Variants in IMPG2 observed in about 807,000 individuals in gnomAD.
IMPG2 encodes the protein IPM 200.
IMPG2 carries 91 observed loss-of-function variants against 129.2 expected under a neutral mutation model. The ratio of observed to expected loss-of-function variants is 0.70; its 90% CI spans 0.59 to 0.84. The LOEUF (loss-of-function observed/expected upper bound fraction) is 0.84, where lower values mean the gene tolerates loss of function less well. Ranked by LOEUF, IMPG2 falls within the 40% of genes least tolerant of loss-of-function variation. IMPG2 has a pLI of 0.00. For missense variants in IMPG2, 1,430 were observed against 1,461.7 expected, an observed-to-expected ratio of 0.98 and a Z score of 0.35; for synonymous variants, 510 against 517.7, an observed-to-expected ratio of 0.99 and a Z score of 0.20.
intron 14 of IMPG2, 100 bp downstream of exon 14, chr3:101,242,588 C>T (rs1706421041): frequency 1.1e-6 from 1 of 890,276 alleles, no homozygotes; most frequent in Non-Finnish European, 1.9e-6. Context: ...ACTCTTTTTT[C>T]CTGCAAGTAT....
At chr3:101,249,443 A>C (rs1207180351) in intron 11 of IMPG2, among the ~76,000 whole-genome samples, 1 of 152,194 alleles carries the variant, frequency 6.6e-6, no homozygotes, top group Non-Finnish European at 1.5e-5. Flanking sequence ...ACCAAAAATG[A>C]TATCATTCTG....
chr3:101,278,946 A>G (rs1468534113), intron 4 of IMPG2, among the ~76,000 whole-genome samples: 2 of 152,188 alleles, frequency 1.3e-5, no homozygotes, highest in East Asian at 3.8e-4. Flanking sequence ...CTTGGGTTAC[A>G]GAGGATGGAG....
chr3:101,242,805 T>A lies in IMPG2; in HGVS notation c.2905A>T (p.Asn969Tyr), dbSNP rs376043962. ...IVVNSRMKFA[N>Y]SVPPNVNNAV... ...TTGTTGACGTTAGGAGGGACAGAATTGGCAAACTTCATTCGACTGTTCACC... is the reference window on the plus strand; with the variant it reads ...TTGTTGACGTTAGGAGGGACAGAATAGGCAAACTTCATTCGACTGTTCACC... The change falls in exon 14 of 19, where the codon AAT becomes TAT. Residue 969 changes from asparagine to tyrosine, a missense_variant. By Grantham distance (143) the Asn-to-Tyr change is moderately radical. Transcript: ENST00000193391. 1.9e-6 allele frequency: 3 copies of A among 1,613,946 alleles called. No homozygotes were observed. Among genetic ancestry groups the A allele is most frequent in the Non-Finnish European group, 2.5e-6 (3 of 1,179,974 alleles).
intron 10 of IMPG2, among the ~76,000 whole-genome samples, chr3:101,257,197 T>C (rs556871810): frequency 6.6e-6 from 1 of 152,236 alleles, no homozygotes; most frequent in East Asian, 1.9e-4. Flanking sequence ...AGAGGTCATG[T>C]CTCGGTTGTC....
intron 2 of IMPG2, among the ~76,000 whole-genome samples, chr3:101,318,766 C>G (rs1175026049): frequency 6.6e-6 from 1 of 151,994 alleles, no homozygotes; most frequent in East Asian, 1.9e-4. Flanking sequence ...TTTATTGGTT[C>G]TTGAGCAGTA....
At chr3:101,304,343 A>C in intron 2 of IMPG2, 31 bp from the exon 3 acceptor site, 1 of 1,600,838 alleles carries the variant, frequency 6.2e-7, no homozygotes. Flanking sequence ...TTTTTACAAA[A>C]AGCTAACATG....
chr3:101,232,523 C>A (rs1706300384), intron 15 of IMPG2, among the ~76,000 whole-genome samples: 1 of 152,138 alleles, frequency 6.6e-6, no homozygotes, highest in Non-Finnish European at 1.5e-5. Flanking sequence ...CAGGCGTGAG[C>A]CACTGCACCC....
chr3:101,241,811 T>C (rs1318617455), intron 14 of IMPG2, among the ~76,000 whole-genome samples: 2 of 152,030 alleles, frequency 1.3e-5, no homozygotes, highest in Non-Finnish European at 2.9e-5. Flanking sequence ...GTGGATCACC[T>C]GAGGTCAGGA....
At chr3:101,271,425 A>T (rs1325690080) in intron 7 of IMPG2, among the ~76,000 whole-genome samples, 18 of 152,232 alleles carry the variant, frequency 1.2e-4, no homozygotes, top group African/African-American at 3.9e-4. Flanking sequence ...ATTCGACTTC[A>T]ACATTGATAT....
rs891147010 is a variant in IMPG2, at chr3:101,317,243, T to C, written c.334+2341A>G. Among the ~76,000 whole-genome samples, 90 of 152,152 alleles carry C rather than the reference T, an allele frequency of 5.9e-4. 1 individual carries two copies. The highest frequency in any genetic ancestry group is 1.5e-4 in the Non-Finnish European group (10 of 68,006). ...ATGCAGGCTGTATTTCATTAAAATA[T>C]ACCTCAATAAAGCTATATTTTAAAA... is the stretch of plus-strand genomic sequence containing the variant. On this transcript the variant is annotated intron_variant, in intron 2 of 18. Transcript: ENST00000193391.
Position 101,320,299 on chromosome 3 carries a change from G to A in IMPG2, c.74C>T (p.Pro25Leu), listed in dbSNP as rs2058805128. The A allele has an allele frequency of 6.4e-7, 1 of 1,558,760 alleles. No individual in the cohort carries two copies. Among genetic ancestry groups the A allele is most frequent in the Non-Finnish European group, 8.8e-7 (1 of 1,130,556 alleles). Residue 25 changes from proline to leucine, a missense_variant, in exon 1 of 19, where the codon CCA (proline) becomes CTA (leucine). Transcript: ENST00000193391. ...LIFVLIEGDF[P>L]SLTAQTYLSI... ...AGATTTTTAAATACCTGTTAATGATGGAAAGTCTCCTTCTATCAGGACAAA... is the reference window on the plus strand; with the variant it reads ...AGATTTTTAAATACCTGTTAATGATAGAAAGTCTCCTTCTATCAGGACAAA...
chr3:101,287,851 C>T (rs1474999230), intron 4 of IMPG2, among the ~76,000 whole-genome samples: 2 of 151,916 alleles, frequency 1.3e-5, no homozygotes, highest in East Asian at 1.9e-4. Context: ...TATGGCCAAG[C>T]CCCCAAAAGC....
rs745914645 is a variant in IMPG2 at position 101,269,583 on chromosome 3, G to A, written c.829-10C>T. ...TAAATGCATTTTCAACCTGTTAAAA[G>A]TACAAATAAAAATGATAACTATGTA... is the stretch of plus-strand genomic sequence containing the variant. On this transcript the variant is annotated splice_polypyrimidine_tract_variant and intron_variant, in intron 7 of 18. Transcript: ENST00000193391. 6.6e-7 allele frequency: 1 copy of A among 1,520,060 alleles called. No individual in the cohort carries two copies. 94.2% of individuals were successfully genotyped at this position (1,520,060 alleles called of 1,614,324 possible). A position where few individuals can be genotyped will look rare whatever the true frequency, so the allele number is the denominator to read the frequency against.
intron 16 of IMPG2, 125 bp downstream of exon 16, chr3:101,230,832 T>C (rs1055884959): frequency 9.9e-6 from 8 of 804,722 alleles, no homozygotes; most frequent in Non-Finnish European, 1.5e-5. Flanking sequence ...ACCATGTGTT[T>C]ATTCAAATTC....
intron 18 of IMPG2, chr3:101,227,785 GA>G (rs1320015864): frequency 4.4e-6 from 2 of 456,086 alleles, no homozygotes; most frequent in Non-Finnish European, 8.8e-6. Context: ...CATGGAATTA[GA>G]AAAGCACCTT....
chr3:101,231,532 C>A (rs1376191024), intron 15 of IMPG2, among the ~76,000 whole-genome samples: 1 of 152,226 alleles, frequency 6.6e-6, no homozygotes, highest in Non-Finnish European at 1.5e-5. Context: ...CGCCCCATGT[C>A]CTTTCAGTAT....
rs778413772 is a variant in IMPG2, at chr3:101,231,032, A to G, written c.3347T>C (p.Phe1116Ser). ...GATGAAGAAGTAGATGATAGCAGAA[A>G]AGATGACAAGAAGTCCAACCACGGA... ...IASVVGLLVI[F>S]SAIIYFFIRT... is the part of the protein sequence containing the mutation. The change falls in exon 16 of 19, where the codon TTT becomes TCT. Residue 1116 changes from phenylalanine (F) to serine (S), a missense_variant. Physicochemically the swap from Phe to Ser is radical, Grantham distance 155 (BLOSUM62 -2). Transcript: ENST00000193391. 4 of 1,614,174 alleles carry G rather than the reference A, an allele frequency of 2.5e-6. No individual in the cohort carries two copies. The South Asian group carries it at 4.4e-5, about 18-fold the overall frequency.
chr3:101,229,321 C>T, intron 17 of IMPG2, 59 bp downstream of exon 17: 2 of 864,556 alleles, frequency 2.3e-6, no homozygotes, highest in East Asian at 3.9e-5. Context: ...CCACCCCCTG[C>T]TCCCCCACAC....
chr3:101,288,139 G>A (rs1706967338), intron 4 of IMPG2, among the ~76,000 whole-genome samples: 1 of 152,066 alleles, frequency 6.6e-6, no homozygotes, highest in Admixed American at 6.6e-5. Context: ...AAAATGCTCA[G>A]CATCAGTAAC....
Sources: gnomAD v4.1 joint callset for allele counts (sites outside exome capture counted in the v4.1 genomes callset) on GRCh38, gnomAD v4.1.1 for gene constraint, MANE v1.5 for transcripts, NCBI Gene and HGNC (gene_info 2026-07-23, HGNC 2026-07-21) for gene names.